Variants in WWOX observed in about 807,000 individuals in gnomAD.
WWOX encodes the protein WW domain containing oxidoreductase, also known as WW domain-containing oxidoreductase.
A neutral mutation model predicts 46.2 loss-of-function variants in WWOX; 69 were observed. That is an observed-to-expected ratio of 1.49 (90% CI 1.23 to 1.82). The LOEUF is 1.82. WWOX is among the 40% of genes most tolerant of loss of function. The pLI is 0.00. For synonymous variants in WWOX, 359 were observed against 202.6 expected (o/e 1.77, Z -6.56); for missense variants, 919 against 542.6 (o/e 1.69, Z -6.89).
chr16:78,333,297 C>G (rs1250647823), intron 5 of WWOX, among the ~76,000 whole-genome samples: 1 of 133,674 alleles, frequency 7.5e-6, no homozygotes, highest in African/African-American at 2.5e-5. Context: ...GATCCGCCTG[C>G]CTTGGCCTGC....
At chr16:78,590,148 C>CTCTCTG (rs989027285) in intron 8 of WWOX, among the ~76,000 whole-genome samples, 16 of 149,550 alleles carry the variant, frequency 1.1e-4, no homozygotes, top group African/African-American at 3.9e-4. Flanking sequence ...GGCATTCAGT[C>CTCTCTG]TCTCTCTCTC....
intron 5 of WWOX, among the ~76,000 whole-genome samples, chr16:78,327,869 ATTTTTTTTTT>A (rs762650030): frequency 3.7e-5 from 3 of 81,082 alleles, no homozygotes; most frequent in African/African-American, 5.4e-5. Context: ...ATGAGTCCTG[ATTTTTTTTTT>A]TTTTTTTTTT....
At chr16:78,196,824 G>A (rs1220948581) in intron 5 of WWOX, among the ~76,000 whole-genome samples, 10 of 152,160 alleles carry the variant, frequency 6.6e-5, no homozygotes, top group Non-Finnish European at 1.3e-4. Flanking sequence ...ATGATTTAAT[G>A]TACTCTCTGA....
chr16:79,048,480 C>G (rs1304230620), intron 8 of WWOX, among the ~76,000 whole-genome samples: 1 of 152,064 alleles, frequency 6.6e-6, no homozygotes, highest in East Asian at 1.9e-4. Flanking sequence ...CTCTCCTGTG[C>G]TTTGTCTTGG....
At chr16:78,242,729 C>T (rs948802326) in intron 5 of WWOX, among the ~76,000 whole-genome samples, 70 of 152,216 alleles carry the variant, frequency 4.6e-4, no homozygotes, top group African/African-American at 5.5e-4. Flanking sequence ...GAAAGCCAGC[C>T]GGGCACAGTG....
intron 5 of WWOX, among the ~76,000 whole-genome samples, chr16:78,349,694 T>G (rs933535988): frequency 8.3e-6 from 1 of 119,764 alleles, no homozygotes; most frequent in African/African-American, 2.8e-5. Context: ...ATCAGCCAGG[T>G]GAAATTTGCA....
rs1275535822 is a variant in WWOX at position 78,366,969 on chromosome 16, A to G, written c.517-19891A>G. On this transcript the variant is annotated intron_variant, in intron 5 of 8. Transcript: ENST00000566780. ...TTTTTTTTTGTATCACAAAAGTTAC[A>G]TTTTTTTTTTTTTTTTTTTTTTTTT... Among the ~76,000 whole-genome samples the G allele has an allele frequency of 2.8e-3, 207 of 74,246 alleles. 1 individual carries two copies. Among genetic ancestry groups the G allele is most frequent in the Non-Finnish European group, 4.4e-3 (188 of 42,826 alleles). 48.7% of individuals were successfully genotyped at this position (74,246 alleles called of 152,430 possible).
At chr16:78,758,427 C>T (rs2049710961) in intron 8 of WWOX, among the ~76,000 whole-genome samples, 1 of 152,168 alleles carries the variant, frequency 6.6e-6, no homozygotes, top group Admixed American at 6.5e-5. Flanking sequence ...ATGCAGGGTC[C>T]AGGAGCCACC....
chr16:78,905,143 C>A (rs545861889), intron 8 of WWOX, among the ~76,000 whole-genome samples: 4 of 152,140 alleles, frequency 2.6e-5, no homozygotes, highest in Admixed American at 6.5e-5. Flanking sequence ...TTGGAACTGA[C>A]CCTCTATGAG....
At chr16:78,290,372 T>C (rs1479549469) in intron 5 of WWOX, among the ~76,000 whole-genome samples, 1 of 150,066 alleles carries the variant, frequency 6.7e-6, no homozygotes, top group Non-Finnish European at 1.5e-5. Context: ...ATAGAGTTGT[T>C]TCCTGGTGAA....
intron 8 of WWOX, among the ~76,000 whole-genome samples, chr16:79,208,396 G>C (rs558378396): frequency 6.7e-6 from 1 of 149,968 alleles, no homozygotes; most frequent in East Asian, 1.9e-4. Context: ...AAAAAAAATC[G>C]TTTAGGGGAA....
At chr16:78,175,969 A>T (rs1204101746) in intron 5 of WWOX, among the ~76,000 whole-genome samples, 1 of 152,136 alleles carries the variant, frequency 6.6e-6, no homozygotes, top group Non-Finnish European at 1.5e-5. Context: ...CTCCCAGGTC[A>T]CCTTGTTTGA....
At chr16:78,328,130 C>T (rs556498863) in intron 5 of WWOX, among the ~76,000 whole-genome samples, 6 of 152,210 alleles carry the variant, frequency 3.9e-5, no homozygotes, top group African/African-American at 1.2e-4. Context: ...CAACCTCAGC[C>T]TCCCAAAGTG....
intron 8 of WWOX, among the ~76,000 whole-genome samples, chr16:78,760,336 A>G (rs2049761242): frequency 6.6e-6 from 1 of 152,206 alleles, no homozygotes; most frequent in African/African-American, 2.4e-5. Flanking sequence ...GAATTATGGG[A>G]GCTACAATTC....
At chr16:78,693,469 T>C (rs1014831189) in intron 8 of WWOX, among the ~76,000 whole-genome samples, 2 of 152,194 alleles carry the variant, frequency 1.3e-5, no homozygotes, top group African/African-American at 4.8e-5. Context: ...TCTATTTTTT[T>C]CCACATAATC....
At chr16:78,554,352 C>T (rs147369994) in intron 8 of WWOX, among the ~76,000 whole-genome samples, 1 of 152,220 alleles carries the variant, frequency 6.6e-6, no homozygotes, top group African/African-American at 2.4e-5. Flanking sequence ...TATCCTACCG[C>T]TCAAAGCCAT....
chr16:78,627,504 C>T (rs1338521571), intron 8 of WWOX, among the ~76,000 whole-genome samples: 3 of 152,130 alleles, frequency 2.0e-5, no homozygotes, highest in African/African-American at 7.2e-5. Flanking sequence ...TGAATAATGG[C>T]CCAGGATGCC....
intron 8 of WWOX, among the ~76,000 whole-genome samples, chr16:78,861,362 C>G (rs1247643057): frequency 3.9e-5 from 6 of 152,024 alleles, no homozygotes; most frequent in African/African-American, 1.4e-4. Context: ...TTTTTGGCTC[C>G]AGCTTATTAT....
At chr16:79,191,846 C>G (rs1368784959) in intron 8 of WWOX, among the ~76,000 whole-genome samples, 2 of 152,144 alleles carry the variant, frequency 1.3e-5, no homozygotes, top group Non-Finnish European at 1.5e-5. Context: ...TAAGCCCATT[C>G]TTCAATGGAG....
Sources: allele counts gnomAD v4.1 joint callset (sites outside exome capture counted in the v4.1 genomes callset), GRCh38; gene constraint gnomAD v4.1.1; transcripts MANE v1.5; gene names NCBI Gene and HGNC (gene_info 2026-07-23, HGNC 2026-07-21).